The following ITPA variants were observed in gnomAD, a reference collection of about 807,000 sequenced individuals.
ITPA encodes inosine triphosphate pyrophosphatase.
In ITPA, 29 loss-of-function variants were observed where a neutral mutation model predicts 29.6. That is an observed-to-expected ratio of 0.98 (90% CI 0.73 to 1.34). The LOEUF is 1.34. ITPA is among the 40% of genes most tolerant of loss of function. ITPA has a pLI of 0.00. For synonymous variants in ITPA, 103 were observed against 99.3 expected, an observed-to-expected ratio of 1.04 and a Z score of -0.22; for missense variants, 241 against 251.5, an observed-to-expected ratio of 0.96 and a Z score of 0.28.
intron 5 of ITPA, among the ~76,000 whole-genome samples, 197 bp from the exon 6 acceptor site, chr20:3,218,320 G>C (rs1319374451): frequency 6.6e-6 from 1 of 152,182 alleles, no homozygotes; most frequent in Non-Finnish European, 1.5e-5. Flanking sequence ...CTGTGCCAGA[G>C]GGAAGCGAGA....
intron 4 of ITPA, 30 bp from the exon 5 acceptor site, chr20:3,215,251 G>T: frequency 6.2e-7 from 1 of 1,612,020 alleles, no homozygotes; most frequent in Non-Finnish European, 8.5e-7. Context: ...GCTGCTCCTG[G>T]TGTCTGACTG....
chr20:3,214,724 C>T (rs1393341820), intron 4 of ITPA, among the ~76,000 whole-genome samples: 3 of 152,002 alleles, frequency 2.0e-5, no homozygotes, highest in Admixed American at 6.6e-5. Flanking sequence ...GGACTACAGG[C>T]GCCCACCACC....
At chr20:3,217,767 C>T (rs989706773) in intron 5 of ITPA, among the ~76,000 whole-genome samples, 7 of 152,258 alleles carry the variant, frequency 4.6e-5, no homozygotes, top group Admixed American at 2.6e-4. Flanking sequence ...CCGAGTGCAG[C>T]CACTGTATTT....
intron 1 of ITPA, among the ~76,000 whole-genome samples, chr20:3,212,322 ATT>A (rs112094744): frequency 1.4e-5 from 2 of 146,280 alleles, no homozygotes; most frequent in Non-Finnish European, 1.5e-5. Flanking sequence ...AATTATCTTA[ATT>A]TTTTTTTTTT....
At chr20:3,209,294 C>T (rs1025221330), upstream of ITPA, 6 of 559,854 alleles carry the variant, frequency 1.1e-5, no homozygotes, top group Non-Finnish European at 1.9e-5. The surrounding 1 kb of genome is among the most constrained non-coding windows in gnomAD (Gnocchi z 4.6). Context: ...TCTTCCGGTT[C>T]TTGAAGATAG....
downstream of ITPA, among the ~76,000 whole-genome samples, chr20:3,226,908 G>A (rs1042019109): frequency 2.9e-4 from 44 of 152,094 alleles, no homozygotes; most frequent in Non-Finnish European, 2.2e-4. The surrounding 1 kb of genome is among the most constrained non-coding windows in gnomAD (Gnocchi z 4.4). Context: ...TTCTCCCTCC[G>A]TCAAACCATT....
Position 3,213,027 on chromosome 20 carries a change from C to T in ITPA, c.67-142C>T, listed in dbSNP as rs1264925607. The stretch of plus-strand genomic sequence containing the variant: ...CTTGCTGGGGTGGGACCCTGAAAGC[C>T]GGGGTGAGGCCCACAGGCCTGAGTT... On this transcript the variant is annotated intron_variant, in intron 1 of 7. Transcript: ENST00000380113. The T allele has an allele frequency of 7.8e-5, 66 of 845,944 alleles. 2 individuals are homozygous for T. The highest frequency in any genetic ancestry group is 6.2e-4 in the South Asian group (43 of 69,792). 52.4% of individuals were successfully genotyped at this position (845,944 alleles called of 1,614,324 possible).
chr20:3,225,860 C>A (rs1163570301), downstream of ITPA, among the ~76,000 whole-genome samples: 1 of 152,172 alleles, frequency 6.6e-6, no homozygotes, highest in Non-Finnish European at 1.5e-5. Context: ...GAAACCCCGT[C>A]TCTACTAAAA....
upstream of ITPA, among the ~76,000 whole-genome samples, chr20:3,204,874 AGACGGAGTC>A (rs2067060096): frequency 6.7e-6 from 1 of 150,150 alleles, no homozygotes; most frequent in African/African-American, 2.5e-5. Flanking sequence ...TTTTTTTTTG[AGACGGAGTC>A]TCTGTCGCAC....
chr20:3,213,111 C>T (rs766826033), intron 1 of ITPA, 58 bp from the exon 2 acceptor site: 16 of 1,511,312 alleles, frequency 1.1e-5, no homozygotes, highest in Admixed American at 6.7e-5. Flanking sequence ...TGACAGCTCA[C>T]GTGCTCACAT....
At chr20:3,220,058 A>C (rs1427608432) in intron 6 of ITPA, among the ~76,000 whole-genome samples, 3 of 149,132 alleles carry the variant, frequency 2.0e-5, no homozygotes, top group East Asian at 2.0e-4. Context: ...AAAAAAAAAA[A>C]AAAACAAACC....
chr20:3,204,298 T>G, upstream of ITPA, among the ~76,000 whole-genome samples: 2 of 148,774 alleles, frequency 1.3e-5, no homozygotes, highest in African/African-American at 2.5e-5. Context: ...TTCCCGGGGG[T>G]GAAGAGAGGG....
upstream of ITPA, among the ~76,000 whole-genome samples, chr20:3,207,995 CAAAAAAA>C (rs71195826): frequency 3.4e-5 from 4 of 116,464 alleles, no homozygotes; most frequent in Non-Finnish European, 7.0e-5. Context: ...GACTCCGTCT[CAAAAAAA>C]AAAAAAAAAA....
At chr20:3,213,429 A>G in intron 3 of ITPA, 46 bp downstream of exon 3, 7 of 1,611,766 alleles carry the variant, frequency 4.3e-6, no homozygotes, top group Non-Finnish European at 5.9e-6. Flanking sequence ...TTGTCCAGGT[A>G]GCTTCCAGGG....
rs1465951606 is a variant in ITPA at position 3,223,433 on chromosome 20, C to A, written c.556C>A (p.Gln186Lys). ...SHRFRALLELQEYFGSLAA is the reference protein window; with the variant it reads ...SHRFRALLELKEYFGSLAA ...TCGCTTCCGGGCCCTGCTGGAGCTG[C>A]AGGAGTACTTTGGCAGTTTGGCAGC... Residue 186 changes from glutamine (Q) to lysine (K), a missense_variant, in exon 8 of 8, where the codon CAG becomes AAG. Transcript: ENST00000380113. The A allele has an allele frequency of 6.2e-7, 1 of 1,613,746 alleles. No individual in the cohort carries two copies. Among genetic ancestry groups the A allele is most frequent in the Non-Finnish European group, 8.5e-7 (1 of 1,179,936 alleles).
Position 3,209,541 on chromosome 20 carries a change from CGGGGATCACCAT to C in ITPA, c.-8_4del. The C allele has an allele frequency of 6.2e-7, 1 of 1,613,756 alleles. No individual in the cohort carries two copies. Among genetic ancestry groups the C allele is most frequent in the Non-Finnish European group, 8.5e-7 (1 of 1,179,756 alleles). On this transcript the variant is annotated start_lost and 5_prime_UTR_variant, in exon 1 of 8. Coordinates refer to ENST00000380113, the MANE Select transcript of ITPA (RefSeq NM_033453.4). This position sits in a 1 kb window ranked among gnomAD's most constrained non-coding sequence, Gnocchi z 4.6. ...GTTTTCGGTGGCTCAGCTGGGTAAC[CGGGGATCACCAT>C]GGCGGCCTCATTGGTGGGGAAGAAG...
chr20:3,217,915 T>G (rs2067346221), intron 5 of ITPA, among the ~76,000 whole-genome samples: 1 of 139,206 alleles, frequency 7.2e-6, no homozygotes, highest in African/African-American at 2.6e-5. Flanking sequence ...GGTTTTTTTT[T>G]GTTTTTGTTT....
At chr20:3,213,906 T>C in intron 3 of ITPA, 79 bp from the exon 4 acceptor site, 1 of 1,460,774 alleles carries the variant, frequency 6.8e-7, no homozygotes, top group Non-Finnish European at 9.6e-7. Flanking sequence ...GGCCCCAGCC[T>C]GGGTGACGCG....
chr20:3,205,291 G>C (rs1390549954), upstream of ITPA, among the ~76,000 whole-genome samples: 1 of 152,086 alleles, frequency 6.6e-6, no homozygotes, highest in Admixed American at 6.6e-5. Context: ...AGCGGGTTGG[G>C]GTTTTGCTGT....
Sources: gnomAD v4.1 joint callset for allele counts (sites outside exome capture counted in the v4.1 genomes callset) on GRCh38, gnomAD v4.1.1 for gene constraint, Gnocchi (gnomAD v3.1) non-coding constraint, MANE v1.5 for transcripts, NCBI Gene and HGNC (gene_info 2026-07-23, HGNC 2026-07-21) for gene names.